The following ASCC3 variants were observed in gnomAD, a reference collection of about 807,000 sequenced individuals.
ASCC3 encodes the protein ASC-1 complex subunit P200.
A neutral mutation model predicts 256.3 loss-of-function variants in ASCC3; 158 were observed. That is an observed-to-expected ratio of 0.62 (90% CI 0.54 to 0.70). The LOEUF is 0.70. Ranked by LOEUF, ASCC3 falls within the 30% of genes least tolerant of loss-of-function variation. ASCC3 has a pLI of 0.00. For missense variants in ASCC3, 2,259 were observed against 2,626.0 expected (o/e 0.86, Z 3.05); for synonymous variants, 948 against 883.4 (o/e 1.07, Z -1.30).
In ASCC3 at chr6:100,642,822, G is replaced by T. The variant is rs529007443; in HGVS notation, c.3733-73C>A. On this transcript the variant is annotated intron_variant, in intron 23 of 41. Transcript: ENST00000369162. ...AAAGGCCTTATTAGTCTATTGTTAA[G>T]ATAACGGTATCTCTACAAGATATAC... is the stretch of plus-strand genomic sequence containing the variant. 335 of 1,311,564 alleles carry T rather than the reference G, an allele frequency of 2.6e-4. 4 individuals are homozygous for T. The South Asian group carries it at 3.9e-3, about 15-fold the overall frequency. The allele number at this position is 1,311,564 out of a possible 1,614,324, so 81.2% of individuals were successfully genotyped here.
intron 4 of ASCC3, 91 bp from the exon 5 acceptor site, chr6:100,805,971 G>A: frequency 7.9e-7 from 1 of 1,261,188 alleles, no homozygotes; most frequent in Non-Finnish European, 1.1e-6. Flanking sequence ...GAGGTGTAAA[G>A]CCAAACTAAT....
At chr6:100,671,674 G>C (rs141489907) in intron 14 of ASCC3, among the ~76,000 whole-genome samples, 1 of 152,086 alleles carries the variant, frequency 6.6e-6, no homozygotes, top group Non-Finnish European at 1.5e-5. Context: ...GCACAATTAA[G>C]GCATTATATT....
rs940113678 is a variant in ASCC3, at chr6:100,858,138, A to G, written c.241+5926T>C. The G allele has an allele frequency of 9.6e-6, 4 of 414,606 alleles. No homozygotes were observed. The Admixed American group carries it at 2.0e-4, about 20-fold the overall frequency. The allele number at this position is 414,606 out of a possible 1,614,324, so 25.7% of individuals were successfully genotyped here. On this transcript the variant is annotated intron_variant, in intron 3 of 41. Transcript: ENST00000369162. ...CTTTTGTAAACGTAAAATAAATTAA[A>G]ATTTTAAAATTTAAGGTAAAATGTA... is the stretch of plus-strand genomic sequence containing the variant.
intron 14 of ASCC3, among the ~76,000 whole-genome samples, chr6:100,674,170 T>C (rs966371731): frequency 1.1e-4 from 17 of 152,080 alleles, no homozygotes; most frequent in Admixed American, 8.5e-4. Context: ...TTTTAAAGTA[T>C]TGAATTGATC....
intron 10 of ASCC3, among the ~76,000 whole-genome samples, chr6:100,763,302 G>T (rs1204578978): frequency 6.6e-6 from 1 of 152,130 alleles, no homozygotes; most frequent in Non-Finnish European, 1.5e-5. Flanking sequence ...AGCACAAAAG[G>T]TTCAATTAAT....
At chr6:100,665,961 A>G (rs1301950092) in intron 14 of ASCC3, among the ~76,000 whole-genome samples, 3 of 152,052 alleles carry the variant, frequency 2.0e-5, no homozygotes, top group African/African-American at 7.2e-5. Flanking sequence ...CCCTCATGCT[A>G]TTTCTTTATA....
chr6:100,788,731 T>C (rs549847117), intron 8 of ASCC3, among the ~76,000 whole-genome samples: 2 of 152,114 alleles, frequency 1.3e-5, no homozygotes, highest in South Asian at 4.2e-4. Context: ...CATGATATTA[T>C]ACAAGTAACT....
At chr6:100,868,377 GCTCA>G (rs761487208) in intron 1 of ASCC3, among the ~76,000 whole-genome samples, 8 of 152,092 alleles carry the variant, frequency 5.3e-5, no homozygotes, top group Non-Finnish European at 2.9e-5. Context: ...TTTGTTTTAT[GCTCA>G]CTGATTTCAA....
rs878925729 is a variant in ASCC3, at chr6:100,798,572, G to A, written c.1395+141C>T. On this transcript the variant is annotated intron_variant, in intron 8 of 41. Transcript: ENST00000369162. ...TATATATTTTTTAAACTCTCCTACT[G>A]TAATTCTCTAGTAACCAACTATATA... 4 of 1,246,102 alleles carry A rather than the reference G, an allele frequency of 3.2e-6. No individual in the cohort carries two copies. The African/African-American group carries it at 4.5e-5, about 14-fold the overall frequency. The allele number at this position is 1,246,102 out of a possible 1,614,324, so 77.2% of individuals were successfully genotyped here.
At chr6:100,520,356 T>C (rs1017776626) in intron 37 of ASCC3, among the ~76,000 whole-genome samples, 11 of 152,102 alleles carry the variant, frequency 7.2e-5, no homozygotes, top group African/African-American at 2.7e-4. Context: ...TCTGTACACT[T>C]AGTAGAGCAA....
intron 5 of ASCC3, among the ~76,000 whole-genome samples, chr6:100,802,959 G>C (rs571141847): frequency 6.6e-6 from 1 of 152,182 alleles, no homozygotes; most frequent in African/African-American, 2.4e-5. Flanking sequence ...AGTGATCCCT[G>C]ATTGTGCCAC....
At chr6:100,691,687 T>C (rs540236067) in intron 13 of ASCC3, among the ~76,000 whole-genome samples, 2 of 152,160 alleles carry the variant, frequency 1.3e-5, no homozygotes, top group African/African-American at 4.8e-5. Context: ...TAATTACTTA[T>C]ACAAATTTAA....
At chr6:100,573,672 A>G (rs1430310020) in intron 36 of ASCC3, among the ~76,000 whole-genome samples, 1 of 152,088 alleles carries the variant, frequency 6.6e-6, no homozygotes, top group African/African-American at 2.4e-5. Context: ...TTGCTTGTGT[A>G]ATGACAATTC....
intron 10 of ASCC3, among the ~76,000 whole-genome samples, chr6:100,747,614 T>C (rs1780746561): frequency 6.6e-6 from 1 of 152,048 alleles, no homozygotes; most frequent in African/African-American, 2.4e-5. Flanking sequence ...ATAATGTAAG[T>C]GAAAGAAGCC....
At chr6:100,868,160 C>G in intron 1 of ASCC3, 122 bp from the exon 2 acceptor site, 2 of 624,194 alleles carry the variant, frequency 3.2e-6, no homozygotes, top group South Asian at 3.7e-5. Flanking sequence ...TTGTTATCAA[C>G]GTTGAAAAAT....
chr6:100,862,660 G>T lies in ASCC3; in HGVS notation c.241+1404C>A, dbSNP rs2114542071. On this transcript the variant is annotated intron_variant, in intron 3 of 41. Transcript: ENST00000369162. Reference sequence around the variant, plus strand: ...TTTTATTAAGACCCTAAAATATTGTGGGTTCTAGTATAAGCACTGGCGATG... The same window carrying T: ...TTTTATTAAGACCCTAAAATATTGTTGGTTCTAGTATAAGCACTGGCGATG... Among the ~76,000 whole-genome samples, 3 of 152,172 alleles carry T rather than the reference G, an allele frequency of 2.0e-5. 1 individual carries two copies. Among genetic ancestry groups the T allele is most frequent in the Middle Eastern group, 6.8e-3 (2 of 294 alleles).
intron 10 of ASCC3, among the ~76,000 whole-genome samples, chr6:100,753,948 G>A (rs1369079678): frequency 2.0e-5 from 3 of 152,038 alleles, no homozygotes; most frequent in Admixed American, 6.6e-5. Context: ...ATATGACACT[G>A]CAATTTCTTA....
chr6:100,650,330 C>T lies in ASCC3; in HGVS notation c.3252+208G>A, dbSNP rs551746347. On this transcript the variant is annotated intron_variant, in intron 20 of 41. Coordinates refer to ENST00000369162, the MANE Select transcript of ASCC3 (RefSeq NM_006828.4). ...AAACATCAACATCACCAAAAAAAGC[C>T]CTATCAGTCACCAAATCTCATCCCC... is the stretch of plus-strand genomic sequence containing the variant. Among the ~76,000 whole-genome samples the T allele has an allele frequency of 3.3e-5, 5 of 151,556 alleles. No homozygotes were observed. In the East Asian group the frequency reaches 9.7e-4, roughly 29 times the overall value.
intron 25 of ASCC3, among the ~76,000 whole-genome samples, chr6:100,634,928 G>A (rs1025059232): frequency 1.7e-4 from 26 of 151,848 alleles, no homozygotes; most frequent in African/African-American, 6.3e-4. Flanking sequence ...TGAGGATGTG[G>A]AGAAAAGGTA....
Sources: gnomAD v4.1 joint callset for allele counts (sites outside exome capture counted in the v4.1 genomes callset) on GRCh38, gnomAD v4.1.1 for gene constraint, MANE v1.5 for transcripts, NCBI Gene and HGNC (gene_info 2026-07-23, HGNC 2026-07-21) for gene names.